LRRIQ3: variants seen among roughly 807,000 people sequenced by gnomAD.
LRRIQ3 encodes the protein leucine rich repeats and IQ motif containing 3.
Under a neutral mutation model 59.3 loss-of-function variants are expected in LRRIQ3, and 75 were observed. The ratio of observed to expected loss-of-function variants is 1.26; its 90% CI spans 1.05 to 1.53. The LOEUF (loss-of-function observed/expected upper bound fraction) is 1.53, where lower values mean the gene tolerates loss of function less well. Ranked by LOEUF, LRRIQ3 falls within the 40% of genes most tolerant of loss-of-function variation. The pLI is 0.00. For missense variants in LRRIQ3, 831 were observed against 710.0 expected (o/e 1.17, Z -1.94); for synonymous variants, 250 against 231.3 (o/e 1.08, Z -0.73).
At chr1:74,183,715 T>A (rs1361805614) in intron 1 of LRRIQ3, 31 bp from the exon 2 acceptor site, 1 of 1,395,424 alleles carries the variant, frequency 7.2e-7, no homozygotes, top group Non-Finnish European at 9.4e-7. Context: ...CTTTGATTTT[T>A]TTTTCCACTT....
intron 1 of LRRIQ3, among the ~76,000 whole-genome samples, chr1:74,192,598 T>G (rs1380164402): frequency 6.6e-6 from 1 of 152,132 alleles, no homozygotes; most frequent in Admixed American, 6.6e-5. Flanking sequence ...CCCCATACAC[T>G]ATATTAATTT....
intron 4 of LRRIQ3, among the ~76,000 whole-genome samples, chr1:74,140,165 T>G (rs1386509190): frequency 1.3e-5 from 2 of 151,888 alleles, no homozygotes; most frequent in African/African-American, 2.4e-5. Flanking sequence ...AATCAAACTC[T>G]GTTATTTATG....
chr1:74,180,932 C>T, intron 3 of LRRIQ3: 1 of 730,938 alleles, frequency 1.4e-6, no homozygotes, highest in Non-Finnish European at 2.2e-6. Flanking sequence ...GCAACTAACA[C>T]TAGCTGACAT....
intron 6 of LRRIQ3, among the ~76,000 whole-genome samples, chr1:74,049,813 T>A (rs955130091): frequency 2.6e-5 from 4 of 152,196 alleles, no homozygotes; most frequent in Admixed American, 6.5e-5. Flanking sequence ...TTAAAGTATT[T>A]TATTCTTAAA....
Position 74,026,836 on chromosome 1 carries a change from C to A in LRRIQ3, c.1852G>T (p.Val618Phe), listed in dbSNP as rs1394842134. 6.2e-7 allele frequency: 1 copy of A among 1,607,394 alleles called. No homozygotes were observed. The highest frequency in any genetic ancestry group is 2.2e-5 in the East Asian group (1 of 44,608). ...ATTCATTTTATCAGTCCATTGGGAACTTTAAAGTCTAAATTTGTTTTCACA... is the reference window on the plus strand; with the variant it reads ...ATTCATTTTATCAGTCCATTGGGAAATTTAAAGTCTAAATTTGTTTTCACA... ...AIVKTNLDFK[V>F]PNGLIK Residue 618 changes from valine (V) to phenylalanine (F), a missense_variant, in exon 8 of 8, where the codon GTT becomes TTT. Transcript: ENST00000354431.
intron 4 of LRRIQ3, among the ~76,000 whole-genome samples, chr1:74,117,220 A>C (rs1263622444): frequency 6.6e-6 from 1 of 152,122 alleles, no homozygotes; most frequent in African/African-American, 2.4e-5. Flanking sequence ...TAGATGGAAA[A>C]GATGTGTATA....
In LRRIQ3 at chr1:74,171,626, G is replaced by C. The variant is rs138842485; in HGVS notation, c.573+10912C>G. 2.7e-3 allele frequency among the ~76,000 whole-genome samples: 418 copies of C among 152,206 alleles called. 1 individual carries two copies. The highest frequency in any genetic ancestry group is 9.5e-3 in the African/African-American group (394 of 41,532). On this transcript the variant is annotated intron_variant, in intron 3 of 7. Coordinates refer to ENST00000354431, the MANE Select transcript of LRRIQ3 (RefSeq NM_001105659.2). The stretch of plus-strand genomic sequence containing the variant: ...AGTTTTCTTGTGTTGTTTTTGCCTG[G>C]CTTTGGTAGCAGTGTAATGCTGGAC...
At chr1:74,084,047 C>A in intron 5 of LRRIQ3, 1 of 795,940 alleles carries the variant, frequency 1.3e-6, no homozygotes, top group Non-Finnish European at 1.9e-6. Context: ...CTCTTTTCAA[C>A]TTTACACTTA....
chr1:74,075,817 T>C (rs1646200145), intron 5 of LRRIQ3, among the ~76,000 whole-genome samples: 1 of 152,136 alleles, frequency 6.6e-6, no homozygotes, highest in Admixed American at 6.6e-5. Context: ...TCTTACTGTA[T>C]CTGCATGGGT....
intron 1 of LRRIQ3, among the ~76,000 whole-genome samples, chr1:74,192,132 G>C (rs1427271080): frequency 3.3e-5 from 5 of 152,054 alleles, no homozygotes; most frequent in Admixed American, 2.6e-4. Flanking sequence ...AGTGAAGAGT[G>C]GGGAGGTCTT....
At chr1:74,152,396 T>C (rs904118825) in intron 4 of LRRIQ3, among the ~76,000 whole-genome samples, 10 of 152,000 alleles carry the variant, frequency 6.6e-5, no homozygotes, top group Non-Finnish European at 1.5e-4. Flanking sequence ...CAACAATATA[T>C]CTCCAGTCTA....
chr1:74,044,031 G>A (rs1654126298), intron 6 of LRRIQ3, among the ~76,000 whole-genome samples: 2 of 152,010 alleles, frequency 1.3e-5, no homozygotes, highest in Admixed American at 1.3e-4. Flanking sequence ...GAATTCATAT[G>A]TTTTAAACTA....
intron 5 of LRRIQ3, among the ~76,000 whole-genome samples, chr1:74,095,397 C>G (rs569774627): frequency 1.3e-5 from 2 of 152,202 alleles, no homozygotes; most frequent in South Asian, 4.1e-4. Flanking sequence ...TATTATTTCT[C>G]TCATAGAACT....
chr1:74,166,867 T>C lies in LRRIQ3; in HGVS notation c.574-11001A>G, dbSNP rs748038316. Among the ~76,000 whole-genome samples, 21 of 151,996 alleles carry C rather than the reference T, an allele frequency of 1.4e-4. No homozygotes were observed. In the Middle Eastern group the frequency reaches 0.014, roughly 98 times the overall value. ...TGAAAAAAATGCTTAACATCACTAATTGTCAGGAAAACACAAATCAAAACC... is the reference window on the plus strand; with the variant it reads ...TGAAAAAAATGCTTAACATCACTAACTGTCAGGAAAACACAAATCAAAACC... On this transcript the variant is annotated intron_variant, in intron 3 of 7. Transcript: ENST00000354431.
chr1:74,074,783 T>A lies in LRRIQ3; in HGVS notation c.875A>T (p.Tyr292Phe). ...GKLAYWKHNIYYPVDLKNSSE... is the reference protein window; with the variant it reads ...GKLAYWKHNIFYPVDLKNSSE... ...GGAATTTTTTAAATCAACAGGATAA[T>A]ATATATTCTGTGAAAATAAAATAAA... The change falls in exon 6 of 8, where the codon TAT becomes TTT. Residue 292 changes from tyrosine to phenylalanine, a missense_variant. Tyr to Phe is a conservative substitution (Grantham distance 22). Transcript: ENST00000354431. 1 of 1,328,036 alleles carries A rather than the reference T, an allele frequency of 7.5e-7. No homozygotes were observed. Among genetic ancestry groups the A allele is most frequent in the South Asian group, 1.7e-5 (1 of 58,446 alleles). 82.3% of individuals were successfully genotyped at this position (1,328,036 alleles called of 1,614,324 possible). A position where few individuals can be genotyped will look rare whatever the true frequency, so the allele number is the denominator to read the frequency against.
chr1:74,133,333 A>G (rs1647059349), intron 4 of LRRIQ3, among the ~76,000 whole-genome samples: 2 of 152,116 alleles, frequency 1.3e-5, no homozygotes, highest in African/African-American at 4.8e-5. Context: ...AACTAGAAAT[A>G]CCATTTGACC....
intron 4 of LRRIQ3, among the ~76,000 whole-genome samples, chr1:74,139,040 A>G (rs1163218728): frequency 6.6e-6 from 1 of 150,912 alleles, no homozygotes; most frequent in Non-Finnish European, 1.5e-5. Context: ...CACAAACACA[A>G]AAAATGTATT....
chr1:74,064,760 C>A (rs1012982207), intron 6 of LRRIQ3, among the ~76,000 whole-genome samples: 8 of 151,966 alleles, frequency 5.3e-5, no homozygotes, highest in East Asian at 3.9e-4. Flanking sequence ...TATCTCACTG[C>A]CTCTGGCCTC....
chr1:74,043,740 A>T (rs1214223351), intron 6 of LRRIQ3, among the ~76,000 whole-genome samples: 1 of 152,150 alleles, frequency 6.6e-6, no homozygotes, highest in Non-Finnish European at 1.5e-5. Flanking sequence ...TAGGGTTCTA[A>T]CAACATTGTA....
Sources: allele counts gnomAD v4.1 joint callset (sites outside exome capture counted in the v4.1 genomes callset), GRCh38; gene constraint gnomAD v4.1.1; transcripts MANE v1.5; gene names NCBI Gene and HGNC (gene_info 2026-07-23, HGNC 2026-07-21).